Variants in RBMS1 observed in about 807,000 individuals in gnomAD.
The protein encoded by RBMS1 is RNA binding motif single stranded interacting protein 1, also known as RNA-binding motif, single-stranded-interacting protein 1.
Under a neutral mutation model 62.3 loss-of-function variants are expected in RBMS1, and 17 were observed. The ratio of observed to expected loss-of-function variants is 0.27; its 90% CI spans 0.19 to 0.41. The LOEUF is 0.41. Ranked by LOEUF, RBMS1 falls within the 10% of genes least tolerant of loss-of-function variation. The pLI is 1.00. For missense variants in RBMS1, 334 were observed against 504.5 expected (o/e 0.66, Z 3.24); for synonymous variants, 172 against 170.0 (o/e 1.01, Z -0.09).
At chr2:160,373,771 G>A (rs1373271122) in intron 1 of RBMS1, among the ~76,000 whole-genome samples, 5 of 152,162 alleles carry the variant, frequency 3.3e-5, no homozygotes, top group Non-Finnish European at 7.3e-5. Flanking sequence ...GCATTCATCA[G>A]AAAGGAAAAG....
chr2:160,310,667 GA>G, intron 4 of RBMS1, among the ~76,000 whole-genome samples: 1 of 152,122 alleles, frequency 6.6e-6, no homozygotes, highest in Non-Finnish European at 1.5e-5. Flanking sequence ...ATTATTAATA[GA>G]ACGGACAGTG....
chr2:160,369,905 G>T (rs548580757), intron 1 of RBMS1, among the ~76,000 whole-genome samples: 1 of 152,142 alleles, frequency 6.6e-6, no homozygotes, highest in East Asian at 1.9e-4. Context: ...AAAGTAGTAG[G>T]TTTTTTTATT....
intron 2 of RBMS1, among the ~76,000 whole-genome samples, chr2:160,326,969 A>G (rs1690969215): frequency 6.6e-6 from 1 of 152,206 alleles, no homozygotes; most frequent in Non-Finnish European, 1.5e-5. Context: ...AAGGAAAACA[A>G]TTTCAGCTCC....
chr2:160,335,641 C>G (rs1380314214), intron 2 of RBMS1, among the ~76,000 whole-genome samples: 1 of 152,184 alleles, frequency 6.6e-6, no homozygotes, highest in Non-Finnish European at 1.5e-5. Context: ...ATTGGACTTA[C>G]AATCCTGATG....
At chr2:160,287,242 C>T (rs191887455) in intron 6 of RBMS1, among the ~76,000 whole-genome samples, 158 bp from the exon 7 acceptor site, 106 of 152,236 alleles carry the variant, frequency 7.0e-4, no homozygotes, top group African/African-American at 2.3e-3. Flanking sequence ...AAACTGTCCA[C>T]GATGAAAAAC....
At chr2:160,443,666 G>A (rs1683516537) in intron 1 of RBMS1, among the ~76,000 whole-genome samples, 1 of 152,146 alleles carries the variant, frequency 6.6e-6, no homozygotes, top group Non-Finnish European at 1.5e-5. Context: ...CAGAAGCTAA[G>A]CAGATGCCGA....
intron 2 of RBMS1, among the ~76,000 whole-genome samples, chr2:160,363,617 C>G (rs1343102532): frequency 2.0e-5 from 3 of 152,082 alleles, no homozygotes; most frequent in African/African-American, 7.2e-5. Context: ...ATCCACAAAA[C>G]TTAGTGACAA....
intron 1 of RBMS1, among the ~76,000 whole-genome samples, chr2:160,484,117 G>C (rs1458321651): frequency 6.6e-6 from 1 of 151,636 alleles, no homozygotes; most frequent in African/African-American, 2.4e-5. Context: ...GGAATTATAG[G>C]CATAGCCACT....
chr2:160,448,527 C>T lies in RBMS1; in HGVS notation c.75+44762G>A, dbSNP rs188332339. Among the ~76,000 whole-genome samples the T allele has an allele frequency of 4.6e-3, 706 of 152,374 alleles. 7 individuals carry two copies. Among genetic ancestry groups the T allele is most frequent in the African/African-American group, 0.016 (648 of 41,588 alleles). Reference sequence around the variant, plus strand: ...GCCGGGCTGGTCTCCAGCTCCTGACCGCGAGTAATCTGCCTGCCTCGGCCT... The same window carrying T: ...GCCGGGCTGGTCTCCAGCTCCTGACTGCGAGTAATCTGCCTGCCTCGGCCT... On this transcript the variant is annotated intron_variant, in intron 1 of 13. Transcript: ENST00000348849.
chr2:160,450,585 A>AAAC (rs1559566624), intron 1 of RBMS1, among the ~76,000 whole-genome samples: 2 of 151,008 alleles, frequency 1.3e-5, no homozygotes, highest in Non-Finnish European at 3.0e-5. Context: ...AAAAACAAAA[A>AAAC]ACATTAACCC....
chr2:160,397,953 C>T (rs892785133), intron 1 of RBMS1, among the ~76,000 whole-genome samples: 3 of 152,148 alleles, frequency 2.0e-5, no homozygotes, highest in Non-Finnish European at 2.9e-5. Context: ...AATCTGTGCT[C>T]CCCGAAGTCT....
At chr2:160,451,590 A>G (rs1683993750) in intron 1 of RBMS1, among the ~76,000 whole-genome samples, 1 of 152,144 alleles carries the variant, frequency 6.6e-6, no homozygotes, top group Admixed American at 6.6e-5. Flanking sequence ...AAAACGTTTA[A>G]TGCAGCACTG....
chr2:160,313,055 G>T (rs1690017509), intron 4 of RBMS1, 101 bp downstream of exon 4: 15 of 1,106,836 alleles, frequency 1.4e-5, no homozygotes, highest in Non-Finnish European at 2.0e-5. Context: ...GTGCTGAGTG[G>T]GATGAAGGGG....
At chr2:160,311,232 C>CTATATATCTATATATATA (rs1689866017) in intron 4 of RBMS1, among the ~76,000 whole-genome samples, 12 of 79,244 alleles carry the variant, frequency 1.5e-4, no homozygotes, top group East Asian at 1.3e-3. Context: ...ATCTATCTAT[C>CTATATATCTATATATATA]TATATATATA....
chr2:160,483,270 A>G (rs895793834), intron 1 of RBMS1, among the ~76,000 whole-genome samples: 28 of 152,196 alleles, frequency 1.8e-4, no homozygotes, highest in Non-Finnish European at 1.3e-4. Context: ...AATGGTTATA[A>G]GTAATTTTCA....
intron 6 of RBMS1, among the ~76,000 whole-genome samples, chr2:160,290,739 A>G (rs1282802595): frequency 6.6e-6 from 1 of 152,222 alleles, no homozygotes; most frequent in Non-Finnish European, 1.5e-5. Flanking sequence ...GGCCCCAGGC[A>G]ACACTGCAAT....
At chr2:160,388,630 C>T (rs933125097) in intron 1 of RBMS1, among the ~76,000 whole-genome samples, 2 of 152,188 alleles carry the variant, frequency 1.3e-5, no homozygotes, top group Non-Finnish European at 2.9e-5. Flanking sequence ...TGACACTTGA[C>T]TTGTCACTCC....
chr2:160,383,371 T>C (rs1694380283), intron 1 of RBMS1, among the ~76,000 whole-genome samples: 1 of 148,484 alleles, frequency 6.7e-6, no homozygotes, highest in East Asian at 2.1e-4. Flanking sequence ...AGATCCTTAA[T>C]TAATTCTACC....
At chr2:160,421,964 A>T (rs1696449707) in intron 1 of RBMS1, among the ~76,000 whole-genome samples, 1 of 152,148 alleles carries the variant, frequency 6.6e-6, no homozygotes, top group South Asian at 2.1e-4. Context: ...CTCATTCTAT[A>T]TGCTGCCATT....
Sources: gnomAD v4.1 joint callset for allele counts (sites outside exome capture counted in the v4.1 genomes callset) on GRCh38, gnomAD v4.1.1 for gene constraint, MANE v1.5 for transcripts, NCBI Gene and HGNC (gene_info 2026-07-23, HGNC 2026-07-21) for gene names.